Variants in SV2C observed in about 807,000 individuals in gnomAD.
SV2C encodes solute carrier family 22 member B3.
In SV2C, 49 loss-of-function variants were observed where a neutral mutation model predicts 79.7. The observed-to-expected ratio is 0.61, with a 90% CI of 0.49 to 0.78. SV2C has a LOEUF of 0.78. Ranked by LOEUF, SV2C falls within the 30% of genes least tolerant of loss-of-function variation. The pLI is 0.00. For missense variants in SV2C, 833 were observed against 912.9 expected (o/e 0.91, Z 1.13); for synonymous variants, 334 against 333.2 (o/e 1.00, Z -0.03).
intron 4 of SV2C, among the ~76,000 whole-genome samples, chr5:76,221,695 CCT>C (rs2112378315): frequency 6.6e-6 from 1 of 152,206 alleles, no homozygotes; most frequent in Non-Finnish European, 1.5e-5. Flanking sequence ...CAGTGTGACT[CCT>C]CTTTAGCATT....
chr5:76,028,807 C>T, the SV2C span, among the ~76,000 whole-genome samples: 38 of 152,230 alleles, frequency 2.5e-4, no homozygotes, highest in Middle Eastern at 0.01. Flanking sequence ...TGGCCTCTAC[C>T]CACTAGATGC....
At chr5:75,992,396 T>C in the SV2C span, among the ~76,000 whole-genome samples, 1 of 152,044 alleles carries the variant, frequency 6.6e-6, no homozygotes, top group South Asian at 2.1e-4. Flanking sequence ...TTGGTATACA[T>C]GAATTTCAAC....
At chr5:76,149,295 T>C (rs1473731226) in intron 2 of SV2C, among the ~76,000 whole-genome samples, 1 of 152,056 alleles carries the variant, frequency 6.6e-6, no homozygotes, top group African/African-American at 2.4e-5. Flanking sequence ...TCAAAGGGAG[T>C]TACAGAAACA....
chr5:76,182,563 C>T (rs1246303150), intron 2 of SV2C, among the ~76,000 whole-genome samples: 1 of 152,134 alleles, frequency 6.6e-6, no homozygotes, highest in Non-Finnish European at 1.5e-5. Flanking sequence ...ATGAGGAAAG[C>T]GAGGTGCCTC....
intron 4 of SV2C, among the ~76,000 whole-genome samples, chr5:76,219,761 A>C (rs1745012920): frequency 6.6e-6 from 1 of 152,222 alleles, no homozygotes; most frequent in Non-Finnish European, 1.5e-5. Context: ...ACTTTTCAAC[A>C]TTCTCACGCT....
intron 4 of SV2C, among the ~76,000 whole-genome samples, chr5:76,283,264 C>A (rs1355002161): frequency 6.6e-6 from 1 of 152,120 alleles, no homozygotes; most frequent in Non-Finnish European, 1.5e-5. Flanking sequence ...TTGCAGTGAG[C>A]TGAGATTGTA....
the SV2C span, among the ~76,000 whole-genome samples, chr5:75,889,391 G>T: frequency 2.0e-5 from 3 of 151,942 alleles, no homozygotes; most frequent in African/African-American, 2.4e-5. Context: ...AAGAATGATG[G>T]CTTCCAGCTT....
At chr5:76,340,370 TTTACTGC>T (rs1749418586) in intron 12 of SV2C, among the ~76,000 whole-genome samples, 1 of 152,204 alleles carries the variant, frequency 6.6e-6, no homozygotes, top group African/African-American at 2.4e-5. Flanking sequence ...TTGTCTTCAC[TTTACTGC>T]ATGGACTCAC....
chr5:76,033,651 C>G, the SV2C span, among the ~76,000 whole-genome samples: 79 of 152,274 alleles, frequency 5.2e-4, no homozygotes, highest in African/African-American at 1.8e-3. Flanking sequence ...GTTACTGTAG[C>G]CTTGTAGTAT....
At chr5:76,313,235 T>A (rs1323945798) in intron 12 of SV2C, among the ~76,000 whole-genome samples, 2 of 152,228 alleles carry the variant, frequency 1.3e-5, no homozygotes, top group Non-Finnish European at 2.9e-5. Flanking sequence ...ATATCTCACT[T>A]ATTTGTGAAG....
At chr5:76,062,640 G>C in the SV2C span, among the ~76,000 whole-genome samples, 1 of 151,232 alleles carries the variant, frequency 6.6e-6, no homozygotes, top group Admixed American at 6.6e-5. Context: ...AAAAAAAACT[G>C]TGTAATTTTC....
chr5:75,909,755 C>T, the SV2C span, among the ~76,000 whole-genome samples: 1 of 152,172 alleles, frequency 6.6e-6, no homozygotes, highest in African/African-American at 2.4e-5. Context: ...AACCAATTAA[C>T]CTATCTTTCA....
the SV2C span, among the ~76,000 whole-genome samples, chr5:75,888,308 G>C: frequency 1.3e-5 from 2 of 150,862 alleles, no homozygotes; most frequent in African/African-American, 4.9e-5. Context: ...ATCTGAAGCC[G>C]AGCTTAAAGT....
At chr5:76,339,921 T>C (rs1025370303) in intron 12 of SV2C, among the ~76,000 whole-genome samples, 1 of 152,000 alleles carries the variant, frequency 6.6e-6, no homozygotes, top group African/African-American at 2.4e-5. Context: ...GGTTAAGGCA[T>C]TCTAAGTCAC....
the SV2C span, among the ~76,000 whole-genome samples, chr5:75,879,581 C>T: frequency 6.6e-6 from 1 of 152,216 alleles, no homozygotes; most frequent in Non-Finnish European, 1.5e-5. Flanking sequence ...CTCCCAAGGC[C>T]TTGGGCAGCT....
chr5:76,276,362 C>T (rs999480170), intron 4 of SV2C, among the ~76,000 whole-genome samples: 2 of 152,206 alleles, frequency 1.3e-5, no homozygotes, highest in South Asian at 4.1e-4. Context: ...TTTGACCCTG[C>T]CCCCTGCTAT....
the SV2C span, among the ~76,000 whole-genome samples, chr5:75,991,333 TA>T: frequency 6.6e-6 from 1 of 151,700 alleles, no homozygotes; most frequent in Non-Finnish European, 1.5e-5. Context: ...TTTTGAGTTT[TA>T]AAAATTATAT....
chr5:75,864,686 C>G, the SV2C span, among the ~76,000 whole-genome samples: 2 of 152,336 alleles, frequency 1.3e-5, no homozygotes, highest in East Asian at 3.9e-4. Context: ...GTGGGGGTCC[C>G]TCCCAGCATG....
At chr5:76,195,597 T>TGTTGAATTAACAGAA (rs1215810252) in intron 3 of SV2C, among the ~76,000 whole-genome samples, 1 of 152,188 alleles carries the variant, frequency 6.6e-6, no homozygotes, top group African/African-American at 2.4e-5. Flanking sequence ...TCCTGACTTC[T>TGTTGAATTAACAGAA]GTTGAATTAA....
Sources: allele counts gnomAD v4.1 joint callset (sites outside exome capture counted in the v4.1 genomes callset), GRCh38; gene constraint gnomAD v4.1.1; transcripts MANE v1.5; gene names NCBI Gene and HGNC (gene_info 2026-07-23, HGNC 2026-07-21).